The following STARD13 variants were observed in gnomAD, a reference collection of about 807,000 sequenced individuals.
The protein encoded by STARD13 is stAR-related lipid transfer protein 13.
STARD13 carries 62 observed loss-of-function variants against 106.4 expected under a neutral mutation model. The observed-to-expected ratio is 0.58, with a 90% CI of 0.48 to 0.72. STARD13 has a LOEUF of 0.72. Among genes scored for constraint, STARD13 ranks in the 30% least tolerant of loss-of-function variants. The pLI is 0.00. For synonymous variants in STARD13, 565 were observed against 553.0 expected, an observed-to-expected ratio of 1.02 and a Z score of -0.31; for missense variants, 1,387 against 1,424.0, an observed-to-expected ratio of 0.97 and a Z score of 0.42.
At chr13:33,275,780 AGAACAACAGAAG>A (rs1216696380) in intron 1 of STARD13, 1 of 152,254 alleles carries the variant, frequency 6.6e-6, no homozygotes, top group Non-Finnish European at 1.5e-5. Flanking sequence ...TTTGCTCCTA[AGAACAACAGAAG>A]TTTCAACATT....
chr13:33,347,699 T>C (rs2078032318), downstream of STARD13, among the ~76,000 whole-genome samples: 1 of 152,224 alleles, frequency 6.6e-6, no homozygotes, highest in Non-Finnish European at 1.5e-5. Context: ...TAGTAGGCTA[T>C]ACCATCCAGG....
the STARD13 span, among the ~76,000 whole-genome samples, chr13:33,464,618 G>A: frequency 1.3e-5 from 2 of 151,806 alleles, no homozygotes; most frequent in African/African-American, 2.4e-5. Flanking sequence ...AGGAGGCCGA[G>A]GGGGGCAGAT....
chr13:33,542,638 G>T, the STARD13 span, among the ~76,000 whole-genome samples: 2 of 152,210 alleles, frequency 1.3e-5, no homozygotes, highest in Admixed American at 6.5e-5. Context: ...TTCCGCTCCG[G>T]GGCTCGTCGG....
downstream of STARD13, among the ~76,000 whole-genome samples, chr13:33,344,737 T>A (rs891391528): frequency 2.0e-5 from 3 of 152,226 alleles, no homozygotes; most frequent in African/African-American, 7.2e-5. Flanking sequence ...CCTGTGTCTA[T>A]GATAAATGAT....
At chr13:33,590,960 CGTACTT>C in the STARD13 span, among the ~76,000 whole-genome samples, 2 of 152,098 alleles carry the variant, frequency 1.3e-5, no homozygotes. Flanking sequence ...AAAGTCTCCT[CGTACTT>C]GTATAACAGA....
the STARD13 span, among the ~76,000 whole-genome samples, chr13:33,481,153 T>C: frequency 6.6e-6 from 1 of 151,812 alleles, no homozygotes; most frequent in Non-Finnish European, 1.5e-5. Context: ...GAATCAAGCA[T>C]GAATCCTTCC....
At position 33,112,860 on chromosome 13, in the gene STARD13, C is replaced by T; in HGVS notation, c.2353G>A (p.Val785Ile). Residue 785 changes from valine to isoleucine, a missense_variant, in exon 9 of 14, where the codon GTC (valine) becomes ATC (isoleucine). Coordinates refer to ENST00000336934, the MANE Select transcript of STARD13 (RefSeq NM_178006.4). The stretch of plus-strand genomic sequence containing the variant: ...AGGAAACACAAGAGCGTCTGCAGGA[C>T]CTCCCTGTTCTCATCGGCCAGTAGC... ...ILLLADENRE[V>I]LQTLLCFLND... 1 of 1,614,004 alleles carries T rather than the reference C, an allele frequency of 6.2e-7. No individual in the cohort carries two copies. The highest frequency in any genetic ancestry group is 2.2e-5 in the East Asian group (1 of 44,884).
the STARD13 span, among the ~76,000 whole-genome samples, chr13:33,473,153 A>G: frequency 6.6e-6 from 1 of 152,210 alleles, no homozygotes; most frequent in African/African-American, 2.4e-5. Context: ...GGTGTTAGAC[A>G]CAGGAGATAC....
chr13:33,247,964 C>T (rs1396953192), intron 1 of STARD13, among the ~76,000 whole-genome samples: 1 of 152,184 alleles, frequency 6.6e-6, no homozygotes, highest in Non-Finnish European at 1.5e-5. Context: ...GGTGATTTAC[C>T]TCATCTTCTG....
chr13:33,633,127 G>GTA, the STARD13 span, among the ~76,000 whole-genome samples: 14 of 152,314 alleles, frequency 9.2e-5, no homozygotes, highest in African/African-American at 3.4e-4. Context: ...AATATTGGCT[G>GTA]TAGTATTCAG....
At chr13:33,408,153 T>C in the STARD13 span, among the ~76,000 whole-genome samples, 3 of 152,128 alleles carry the variant, frequency 2.0e-5, no homozygotes, top group Non-Finnish European at 4.4e-5. Flanking sequence ...AATTTGTAAT[T>C]GTGGTAACTA....
rs1376377201 is a variant in STARD13, at chr13:33,110,767, G to A, written c.2748C>T (p.Gly916=). Residue 916 remains glycine, a synonymous_variant, in exon 11 of 14, where the codon GGC becomes GGT. Coordinates refer to ENST00000336934, the MANE Select transcript of STARD13 (RefSeq NM_178006.4). ...FHTYLNHLIQ[G]LQKEAKEKFK... is the part of the protein sequence containing the mutation. ...ACTTCTCCTTGGCTTCTTTCTGGAG[G>A]CCCTGGATGAGATGGTTCAGGTAAG... The A allele has an allele frequency of 6.2e-7, 1 of 1,614,200 alleles. No homozygotes were observed. The highest frequency in any genetic ancestry group is 1.1e-5 in the South Asian group (1 of 91,082).
At chr13:33,415,582 C>T in the STARD13 span, among the ~76,000 whole-genome samples, 1 of 151,906 alleles carries the variant, frequency 6.6e-6, no homozygotes, top group African/African-American at 2.4e-5. Context: ...TTGTTAAACA[C>T]GAGCTTTGAA....
chr13:33,284,237 A>G (rs1002825971), intron 1 of STARD13, among the ~76,000 whole-genome samples: 3 of 152,226 alleles, frequency 2.0e-5, no homozygotes, highest in Non-Finnish European at 4.4e-5. Flanking sequence ...CATCCTTCAC[A>G]CATAACTAGT....
At chr13:33,601,158 T>TAG in the STARD13 span, among the ~76,000 whole-genome samples, 1 of 151,944 alleles carries the variant, frequency 6.6e-6, no homozygotes, top group Non-Finnish European at 1.5e-5. Context: ...TGCATCACAA[T>TAG]AGAGGATAAG....
At chr13:33,143,575 C>T (rs866945544) in intron 3 of STARD13, among the ~76,000 whole-genome samples, 11 of 151,210 alleles carry the variant, frequency 7.3e-5, no homozygotes, top group South Asian at 4.3e-4. Context: ...TTTTTTGAGA[C>T]GGAGTCTCAC....
At chr13:33,643,232 G>A in the STARD13 span, among the ~76,000 whole-genome samples, 1 of 151,820 alleles carries the variant, frequency 6.6e-6, no homozygotes, top group East Asian at 1.9e-4. Context: ...GGAAGAGCTT[G>A]ACTGTCTTCT....
the STARD13 span, among the ~76,000 whole-genome samples, chr13:33,415,803 A>C: frequency 6.4e-3 from 982 of 152,350 alleles, 11 homozygotes; most frequent in African/African-American, 0.023. Flanking sequence ...TATAAAAACT[A>C]AGCGAGAGAT....
At chr13:33,421,587 T>G in the STARD13 span, among the ~76,000 whole-genome samples, 1 of 152,192 alleles carries the variant, frequency 6.6e-6, no homozygotes, top group Non-Finnish European at 1.5e-5. Context: ...CCTCCCTAAC[T>G]CATTTTATGA....
Sources: gnomAD v4.1 joint callset for allele counts (sites outside exome capture counted in the v4.1 genomes callset) on GRCh38, gnomAD v4.1.1 for gene constraint, MANE v1.5 for transcripts, NCBI Gene and HGNC (gene_info 2026-07-23, HGNC 2026-07-21) for gene names.